Variants in SOHLH1 observed in about 807,000 individuals in gnomAD.
SOHLH1 encodes the protein spermatogenesis- and oogenesis-specific basic helix-loop-helix-containing protein 1.
A neutral mutation model predicts 36.2 loss-of-function variants in SOHLH1; 23 were observed. The observed-to-expected ratio is 0.64, with a 90% CI of 0.46 to 0.90. The LOEUF (loss-of-function observed/expected upper bound fraction) is 0.90. Among genes scored for constraint, SOHLH1 ranks in the 40% least tolerant of loss-of-function variants. SOHLH1 has a pLI of 0.00. For synonymous variants in SOHLH1, 289 were observed against 228.3 expected, an observed-to-expected ratio of 1.27 and a Z score of -2.40; for missense variants, 608 against 517.0, an observed-to-expected ratio of 1.18 and a Z score of -1.71.
chr9:135,693,528 G>A lies in SOHLH1; in HGVS notation c.*69C>T. 1 of 1,490,230 alleles carries A rather than the reference G, an allele frequency of 6.7e-7. No individual in the cohort carries two copies. The highest frequency in any genetic ancestry group is 2.3e-5 in the Admixed American group (1 of 44,108). 92.3% of individuals were successfully genotyped at this position (1,490,230 alleles called of 1,614,324 possible). On this transcript the variant is annotated 3_prime_UTR_variant, in exon 8 of 8. Coordinates refer to ENST00000425225, the MANE Select transcript of SOHLH1 (RefSeq NM_001101677.2). ...CCCAAACCCAAAATAAAATGCCCAA[G>A]CACGCGACAGGGACACACACGGCTC...
At chr9:135,694,774 C>G (rs1021427627) in intron 6 of SOHLH1, among the ~76,000 whole-genome samples, 1 of 150,142 alleles carries the variant, frequency 6.7e-6, no homozygotes, top group South Asian at 2.1e-4. Flanking sequence ...TATGTGCTCA[C>G]GAAACACAAA....
chr9:135,698,896 C>T lies in SOHLH1; in HGVS notation c.197+99G>A, dbSNP rs1834916960. On this transcript the variant is annotated intron_variant, in intron 2 of 7. Coordinates refer to ENST00000425225, the MANE Select transcript of SOHLH1 (RefSeq NM_001101677.2). ...CTTCTCCTGGGCACAGGCCACGAGC[C>T]CCTCCCAGCTGCCTGACACCTGGTG... The T allele has an allele frequency of 1.3e-5, 20 of 1,556,528 alleles. No individual in the cohort carries two copies. The South Asian group carries it at 2.0e-4, about 16-fold the overall frequency.
At chr9:135,697,035 T>C (rs1230368970) in intron 4 of SOHLH1, among the ~76,000 whole-genome samples, 1 of 152,184 alleles carries the variant, frequency 6.6e-6, no homozygotes, top group Non-Finnish European at 1.5e-5. Context: ...CACAGCTAAT[T>C]AGCCACCAGT....
chr9:135,701,537 C>T (rs1238349622), upstream of SOHLH1, among the ~76,000 whole-genome samples: 1 of 152,230 alleles, frequency 6.6e-6, no homozygotes, highest in Non-Finnish European at 1.5e-5. Flanking sequence ...CGCAGGGGGA[C>T]CCTCTGCTTC....
chr9:135,693,742 T>C lies in SOHLH1; in HGVS notation c.1019A>G (p.Glu340Gly), dbSNP rs753238914. The C allele has an allele frequency of 5.7e-6, 9 of 1,576,258 alleles. No homozygotes were observed. The South Asian group carries it at 1.1e-4, about 18-fold the overall frequency. Residue 340 changes from glutamate (E) to glycine (G), a missense_variant, in exon 8 of 8, where the codon GAG becomes GGG. Physicochemically the swap from Glu to Gly is moderately conservative, Grantham distance 98. Coordinates refer to ENST00000425225, the MANE Select transcript of SOHLH1 (RefSeq NM_001101677.2). ...PAESSPLDVG[E>G]PGFLGDPELG... Reference sequence around the variant, plus strand: ...CTCAGGGTCCCCTAGGAAGCCTGGCTCTCCAACATCCAGTGGACTGCTCTC... The same window carrying C: ...CTCAGGGTCCCCTAGGAAGCCTGGCCCTCCAACATCCAGTGGACTGCTCTC...
intron 7 of SOHLH1, chr9:135,694,027 C>T: frequency 7.0e-7 from 1 of 1,427,096 alleles, no homozygotes; most frequent in Non-Finnish European, 9.1e-7. Context: ...GGCTCCCAAA[C>T]ACTAAATCCT....
chr9:135,693,422 G>A lies in SOHLH1; in HGVS notation c.*175C>T, dbSNP rs1834667671. On this transcript the variant is annotated 3_prime_UTR_variant, in exon 8 of 8. Coordinates refer to ENST00000425225, the MANE Select transcript of SOHLH1 (RefSeq NM_001101677.2). ...GCCACACAGGTTTTGCTTCCTCCAG[G>A]AAAACTGCTTTCCCTCTTTAATATT... is the stretch of plus-strand genomic sequence containing the variant. The A allele has an allele frequency of 2.1e-6, 2 of 951,166 alleles. No individual in the cohort carries two copies. The highest frequency in any genetic ancestry group is 6.0e-5 in the Admixed American group (2 of 33,172). The allele number at this position is 951,166 out of a possible 1,614,324, so 58.9% of individuals were successfully genotyped here.
chr9:135,693,492 T>A lies in SOHLH1; in HGVS notation c.*105A>T. 1 of 1,412,106 alleles carries A rather than the reference T, an allele frequency of 7.1e-7. No individual in the cohort carries two copies. The highest frequency in any genetic ancestry group is 9.5e-7 in the Non-Finnish European group (1 of 1,057,078). The allele number at this position is 1,412,106 out of a possible 1,614,324, so 87.5% of individuals were successfully genotyped here. On this transcript the variant is annotated 3_prime_UTR_variant, in exon 8 of 8. Transcript: ENST00000425225. ...CCTGTAAGCCTCGCTCAAATTAGGG[T>A]GCAGCTGCAACCCAAACCCAAAATA...
chr9:135,697,689 C>G (rs1288139070), intron 3 of SOHLH1, 62 bp from the exon 4 acceptor site: 10 of 1,571,442 alleles, frequency 6.4e-6, no homozygotes, highest in Non-Finnish European at 8.6e-6. Flanking sequence ...ACCCAAGACA[C>G]GGTGACAAGA....
At chr9:135,701,749 C>T (rs1835041253), upstream of SOHLH1, among the ~76,000 whole-genome samples, 2 of 152,296 alleles carry the variant, frequency 1.3e-5, no homozygotes, top group African/African-American at 2.4e-5. Context: ...CGTCTTGAAT[C>T]TGGCTTGTGT....
chr9:135,700,752 C>T (rs1479252131), upstream of SOHLH1, among the ~76,000 whole-genome samples: 20 of 152,138 alleles, frequency 1.3e-4, no homozygotes, highest in Admixed American at 7.2e-4. Context: ...CCAGCCTTGG[C>T]TGCAGGTCAG....
chr9:135,695,149 TC>T lies in SOHLH1; in HGVS notation c.775del (p.Glu259ArgfsTer49), dbSNP rs1564297336. On this transcript the variant is annotated frameshift_variant, in exon 6 of 8. Transcript: ENST00000425225. LOFTEE classifies it high-confidence loss of function. ...AGCCTGGCCCAGCCAGCCAAGGGCC[TC>T]CCCGCTCATCACGGGCAAGGTCTGC... is the stretch of plus-strand genomic sequence containing the variant. ...QQQTLPVMSG[E>X]ALGWLGQAGP... The T allele has an allele frequency of 3.1e-6, 5 of 1,599,762 alleles. No homozygotes were observed. Among genetic ancestry groups the T allele is most frequent in the Non-Finnish European group, 4.3e-6 (5 of 1,175,056 alleles).
chr9:135,698,394 G>A lies in SOHLH1; in HGVS notation c.280C>T (p.Leu94=). 1 of 1,613,134 alleles carries A rather than the reference G, an allele frequency of 6.2e-7. No homozygotes were observed. The highest frequency in any genetic ancestry group is 8.5e-7 in the Non-Finnish European group (1 of 1,180,034). The part of the protein sequence containing the change: ...DGRREDMASV[L]EMSVQFLRLA... ...CGCAGGAACTGCACAGACATCTCCAGGACCGAGGCCATGTCCTCCCGCCGG... is the reference window on the plus strand; with the variant it reads ...CGCAGGAACTGCACAGACATCTCCAAGACCGAGGCCATGTCCTCCCGCCGG... Residue 94 remains leucine, a synonymous_variant, in exon 3 of 8, where the codon CTG becomes TTG. Coordinates refer to ENST00000425225, the MANE Select transcript of SOHLH1 (RefSeq NM_001101677.2).
rs1323410553 is a variant in SOHLH1, at chr9:135,699,415, A to T, written c.53T>A (p.Val18Asp). 2 of 1,611,924 alleles carry T rather than the reference A, an allele frequency of 1.2e-6. No individual in the cohort carries two copies. The highest frequency in any genetic ancestry group is 1.7e-6 in the Non-Finnish European group (2 of 1,179,700). Reference protein sequence around the residue: ...PYPEVSRIPTVRGCNGSLSGA... With the variant: ...PYPEVSRIPTDRGCNGSLSGA... ...CCCAATTCCTCACTTGCATCCCCTGACGGTAGGGATTCTGGAGACCTCCGG... is the reference window on the plus strand; with the variant it reads ...CCCAATTCCTCACTTGCATCCCCTGTCGGTAGGGATTCTGGAGACCTCCGG... Residue 18 changes from valine to aspartate, a missense_variant, in exon 1 of 8, where the codon GTC becomes GAC. Transcript: ENST00000425225.
Position 135,693,826 on chromosome 9 carries a change from C to T in SOHLH1, c.947-12G>A, listed in dbSNP as rs1177658728. ...ACCCTCCAGAGACCCTGGAAGCAAA[C>T]AGGACACATCGGCAGGGCAGGCAGG... On this transcript the variant is annotated splice_polypyrimidine_tract_variant and intron_variant, in intron 7 of 7. Coordinates refer to ENST00000425225, the MANE Select transcript of SOHLH1 (RefSeq NM_001101677.2). 13 of 1,546,464 alleles carry T rather than the reference C, an allele frequency of 8.4e-6. No homozygotes were observed. In the South Asian group the frequency reaches 1.3e-4, roughly 16 times the overall value.
rs1834894939 is a variant in SOHLH1, at chr9:135,698,401, G to C, written c.273C>G (p.Ala91=). Residue 91 remains alanine (A), a synonymous_variant, in exon 3 of 8, where the codon GCC becomes GCG. Transcript: ENST00000425225. ...ACTGCACAGACATCTCCAGGACCGAGGCCATGTCCTCCCGCCGGCCATCGA... is the reference window on the plus strand; with the variant it reads ...ACTGCACAGACATCTCCAGGACCGACGCCATGTCCTCCCGCCGGCCATCGA... ...PQFDGRREDM[A]SVLEMSVQFL... The C allele has an allele frequency of 6.2e-7, 1 of 1,613,154 alleles. No homozygotes were observed. The highest frequency in any genetic ancestry group is 8.5e-7 in the Non-Finnish European group (1 of 1,180,038).
At chr9:135,699,695 G>T (rs997840045), upstream of SOHLH1, among the ~76,000 whole-genome samples, 4 of 152,070 alleles carry the variant, frequency 2.6e-5, no homozygotes, top group African/African-American at 4.8e-5. Context: ...GACTCGGGGG[G>T]TCCACCCACT....
At chr9:135,695,329 T>C in intron 5 of SOHLH1, 66 bp from the exon 6 acceptor site, 1 of 1,477,916 alleles carries the variant, frequency 6.8e-7, no homozygotes, top group South Asian at 1.2e-5. Context: ...CCCGAGGACC[T>C]CGTGACTCAC....
chr9:135,700,668 C>T (rs1293418389), upstream of SOHLH1, among the ~76,000 whole-genome samples: 2 of 152,084 alleles, frequency 1.3e-5, no homozygotes, highest in African/African-American at 4.8e-5. Flanking sequence ...GACTTTGGGC[C>T]AAAGATGGGT....
Sources: allele counts gnomAD v4.1 joint callset (sites outside exome capture counted in the v4.1 genomes callset), GRCh38; gene constraint gnomAD v4.1.1; transcripts MANE v1.5; gene names NCBI Gene and HGNC (gene_info 2026-07-23, HGNC 2026-07-21).